GABRG2: variants seen among roughly 807,000 people sequenced by gnomAD.
GABRG2 encodes gamma-aminobutyric acid receptor subunit gamma-2.
A neutral mutation model predicts 56.4 loss-of-function variants in GABRG2; 16 were observed. That is an observed-to-expected ratio of 0.28 (90% CI 0.19 to 0.43). GABRG2 has a LOEUF of 0.43. Among genes scored for constraint, GABRG2 ranks in the 20% least tolerant of loss-of-function variants. The pLI is 1.00. For synonymous variants in GABRG2, 208 were observed against 205.5 expected (o/e 1.01, Z -0.10); for missense variants, 327 against 582.7 (o/e 0.56, Z 4.52).
intron 1 of GABRG2, among the ~76,000 whole-genome samples, chr5:162,069,735 C>A (rs1758519184): frequency 1.3e-5 from 2 of 152,060 alleles, no homozygotes; most frequent in South Asian, 4.1e-4. Context: ...TGGAAACAGT[C>A]TTATATGTAA....
In GABRG2 at chr5:162,083,532, A is replaced by C. The variant is rs188275125; in HGVS notation, c.108-10296A>C. The C allele has an allele frequency of 3.9e-4, 73 of 185,018 alleles. 1 individual carries two copies. The highest frequency in any genetic ancestry group is 1.7e-3 in the African/African-American group (70 of 42,024). The allele number at this position is 185,018 out of a possible 1,614,324, so 11.5% of individuals were successfully genotyped here. ...ACTTTCTTCTTACCCACATAAATTG[A>C]GATTTGAAAATGAATGAAGAAAAAC... On this transcript the variant is annotated intron_variant, in intron 1 of 9. Coordinates refer to ENST00000639213, the MANE Select transcript of GABRG2 (RefSeq NM_198904.4).
rs1381059281 is a variant in GABRG2 at position 162,153,440 on chromosome 5, T to G, written c.*72T>G. ...GGAGAGATGTCTGTTCTAAGTCCAC[T>G]TAAATAATCCTCTATGTGGTTGATA... On this transcript the variant is annotated 3_prime_UTR_variant, in exon 10 of 10. Transcript: ENST00000639213. 6.6e-7 allele frequency: 1 copy of G among 1,506,170 alleles called. No individual in the cohort carries two copies. The highest frequency in any genetic ancestry group is 9.2e-7 in the Non-Finnish European group (1 of 1,082,976). 93.3% of individuals were successfully genotyped at this position (1,506,170 alleles called of 1,614,324 possible).
Position 162,097,642 on chromosome 5 carries a change from A to T in GABRG2, c.332A>T (p.Tyr111Phe). Residue 111 changes from tyrosine (Y) to phenylalanine (F), a missense_variant, in exon 4 of 10, where the codon TAC becomes TTC. Tyr to Phe is a conservative substitution (Grantham distance 22). This residue lies in a region of GABRG2 where 104 missense variants were observed against 209.3 expected (regional missense o/e 0.50). Transcript: ENST00000639213. ...TTTATCATTTTATTAAAACAGGAAT[A>T]CACTATTGATATATTTTTTGCGCAA... Reference protein sequence around the residue: ...IGPVNAINMEYTIDIFFAQTW... With the variant: ...IGPVNAINMEFTIDIFFAQTW... 1 of 1,605,682 alleles carries T rather than the reference A, an allele frequency of 6.2e-7. No individual in the cohort carries two copies. Among genetic ancestry groups the T allele is most frequent in the Non-Finnish European group, 8.5e-7 (1 of 1,172,654 alleles).
chr5:162,131,699 A>T (rs539383182), intron 6 of GABRG2, among the ~76,000 whole-genome samples: 34 of 152,176 alleles, frequency 2.2e-4, no homozygotes, highest in African/African-American at 7.9e-4. Flanking sequence ...TAACATGCAT[A>T]CTATCAATCC....
intron 6 of GABRG2, among the ~76,000 whole-genome samples, chr5:162,114,235 T>A (rs1485769829): frequency 6.6e-6 from 1 of 152,116 alleles, no homozygotes; most frequent in Non-Finnish European, 1.5e-5. Context: ...TTTACCAAAG[T>A]CTCTACTACT....
chr5:162,107,154 C>T (rs1761897653), intron 6 of GABRG2, among the ~76,000 whole-genome samples: 3 of 152,084 alleles, frequency 2.0e-5, no homozygotes, highest in African/African-American at 7.2e-5. Flanking sequence ...TGGCTTCCAA[C>T]TCCATCCATG....
intron 6 of GABRG2, among the ~76,000 whole-genome samples, chr5:162,107,077 C>T (rs1297235428): frequency 6.6e-6 from 1 of 152,098 alleles, no homozygotes; most frequent in African/African-American, 2.4e-5. Context: ...CATCATTTAG[C>T]CCCCACTTAC....
chr5:162,138,230 G>A (rs1179278596), intron 6 of GABRG2, among the ~76,000 whole-genome samples: 1 of 151,802 alleles, frequency 6.6e-6, no homozygotes, highest in Non-Finnish European at 1.5e-5. Context: ...TCATAAATTT[G>A]GATCTTTGTT....
At chr5:162,132,866 AC>A in intron 6 of GABRG2, among the ~76,000 whole-genome samples, 1 of 152,088 alleles carries the variant, frequency 6.6e-6, no homozygotes, top group South Asian at 2.1e-4. Flanking sequence ...TCACAACCAT[AC>A]TCTATACAAA....
chr5:162,068,911 G>A (rs1758449058), intron 1 of GABRG2, among the ~76,000 whole-genome samples: 1 of 152,060 alleles, frequency 6.6e-6, no homozygotes, highest in East Asian at 1.9e-4. Flanking sequence ...ATTGCATAGG[G>A]GAATATACGT....
At chr5:162,121,215 T>A (rs1258021246) in intron 6 of GABRG2, among the ~76,000 whole-genome samples, 2 of 152,256 alleles carry the variant, frequency 1.3e-5, no homozygotes, top group African/African-American at 4.8e-5. Context: ...GTCAGTTGTG[T>A]TTCTGTCCAA....
intron 6 of GABRG2, among the ~76,000 whole-genome samples, chr5:162,141,251 ATGGTCTCGATTTCC>A (rs1692899415): frequency 1.3e-5 from 2 of 152,144 alleles, no homozygotes; most frequent in Admixed American, 1.3e-4. Flanking sequence ...GTTAGCCAGG[ATGGTCTCGATTTCC>A]TGACCTCATG....
At chr5:162,087,611 A>G (rs541025333) in intron 1 of GABRG2, among the ~76,000 whole-genome samples, 1 of 152,222 alleles carries the variant, frequency 6.6e-6, no homozygotes, top group East Asian at 1.9e-4. Flanking sequence ...AGTCAATGCC[A>G]TGGAGGATAG....
intron 1 of GABRG2, among the ~76,000 whole-genome samples, chr5:162,075,081 A>G (rs1758987385): frequency 6.6e-6 from 1 of 152,070 alleles, no homozygotes; most frequent in African/African-American, 2.4e-5. Flanking sequence ...AACTTCTATC[A>G]CCTAGCTGCG....
intron 1 of GABRG2, among the ~76,000 whole-genome samples, chr5:162,068,538 G>C (rs1188939304): frequency 6.6e-6 from 1 of 151,748 alleles, no homozygotes; most frequent in Non-Finnish European, 1.5e-5. Flanking sequence ...GGGAGCTGGG[G>C]GGAGGGGCGG....
At chr5:162,112,643 C>A (rs931319841) in intron 6 of GABRG2, among the ~76,000 whole-genome samples, 2 of 152,014 alleles carry the variant, frequency 1.3e-5, no homozygotes, top group African/African-American at 2.4e-5. Flanking sequence ...AAAATGTATT[C>A]TTTTTAAAAT....
intron 3 of GABRG2, 94 bp downstream of exon 3, chr5:162,095,656 A>T (rs1278632110): frequency 1.2e-6 from 1 of 864,880 alleles, no homozygotes; most frequent in East Asian, 2.6e-5. Context: ...GCCAGCAAAA[A>T]ATTTAAGTTT....
At chr5:162,077,605 C>T (rs1759241306) in intron 1 of GABRG2, among the ~76,000 whole-genome samples, 2 of 152,168 alleles carry the variant, frequency 1.3e-5, no homozygotes, top group South Asian at 2.1e-4. Flanking sequence ...CCTTAGATAT[C>T]ATCTGTCTTT....
At chr5:162,147,929 C>T (rs949202250) in intron 7 of GABRG2, among the ~76,000 whole-genome samples, 1 of 152,108 alleles carries the variant, frequency 6.6e-6, no homozygotes, top group African/African-American at 2.4e-5. Flanking sequence ...ATAGGTGGAC[C>T]TTCAAAGAGT....
Sources: gnomAD v4.1 joint callset for allele counts (sites outside exome capture counted in the v4.1 genomes callset) on GRCh38, gnomAD v4.1.1 for gene constraint, gnomAD v4.1.1 regional missense constraint, MANE v1.5 for transcripts, NCBI Gene and HGNC (gene_info 2026-07-23, HGNC 2026-07-21) for gene names.